GRIK3: variants seen among roughly 807,000 people sequenced by gnomAD.
The protein encoded by GRIK3 is glutamate ionotropic receptor kainate type subunit 3.
A neutral mutation model predicts 102.5 loss-of-function variants in GRIK3; 29 were observed. The observed-to-expected ratio is 0.28, with a 90% CI of 0.21 to 0.39. The LOEUF is 0.39. GRIK3 is among the 10% of genes least tolerant of loss of function. GRIK3 has a pLI of 1.00. For synonymous variants in GRIK3, 511 were observed against 504.9 expected, an observed-to-expected ratio of 1.01 and a Z score of -0.16; for missense variants, 908 against 1,252.4, an observed-to-expected ratio of 0.73 and a Z score of 4.15.
Position 36,797,609 on chromosome 1 carries a change from C to T in GRIK3, c.*4242G>A, listed in dbSNP as rs1008377515. The T allele has an allele frequency of 6.6e-6, 1 of 152,240 alleles. No homozygotes were observed. Among genetic ancestry groups the T allele is most frequent in the Non-Finnish European group, 1.5e-5 (1 of 68,060 alleles). The allele number at this position is 152,240 out of a possible 1,614,324, so 9.4% of individuals were successfully genotyped here. A position where few individuals can be genotyped will look rare whatever the true frequency, so the allele number is the denominator to read the frequency against. ...TCTGTCCATGAGGCTGGGCCCATCC[C>T]AGATGATAAGTCCATGCAGCTGTTT... On this transcript the variant is annotated 3_prime_UTR_variant, in exon 16 of 16. Transcript: ENST00000373091.
chr1:36,990,821 C>T (rs1394234352), intron 1 of GRIK3, among the ~76,000 whole-genome samples: 2 of 151,992 alleles, frequency 1.3e-5, no homozygotes, highest in South Asian at 2.1e-4. Context: ...GAGAGGGTGG[C>T]CCCTGGAGAT....
intron 10 of GRIK3, among the ~76,000 whole-genome samples, chr1:36,826,122 G>A (rs114071269): frequency 6.6e-6 from 1 of 152,296 alleles, no homozygotes. Context: ...TAACCCATGT[G>A]CTCCCTTCTC....
At chr1:36,986,849 C>T (rs1365824511) in intron 1 of GRIK3, among the ~76,000 whole-genome samples, 1 of 152,202 alleles carries the variant, frequency 6.6e-6, no homozygotes, top group Non-Finnish European at 1.5e-5. Flanking sequence ...ACAGTTTTAG[C>T]TCCACAATTA....
intron 1 of GRIK3, among the ~76,000 whole-genome samples, chr1:36,901,509 C>G (rs1641231895): frequency 6.6e-6 from 1 of 152,146 alleles, no homozygotes; most frequent in South Asian, 2.1e-4. Flanking sequence ...GATAAAAACT[C>G]TCAGTAAAGT....
At chr1:36,915,112 C>A (rs1403538675) in intron 1 of GRIK3, among the ~76,000 whole-genome samples, 2 of 152,228 alleles carry the variant, frequency 1.3e-5, no homozygotes, top group African/African-American at 4.8e-5. Context: ...CTTCACTCAA[C>A]AAACACTCAG....
At position 36,817,126 on chromosome 1, in the gene GRIK3, G is replaced by C; in HGVS notation, c.2025C>G (p.Asp675Glu). 1 of 1,614,154 alleles carries C rather than the reference G, an allele frequency of 6.2e-7. No individual in the cohort carries two copies. Among genetic ancestry groups the C allele is most frequent in the South Asian group, 1.1e-5 (1 of 91,072 alleles). The part of the protein sequence containing the change: ...RMESPIDSAD[D>E]LAKQTKIEYG... ...ACTCGATTTTGGTTTGCTTGGCCAG[G>C]TCATCAGCAGAGTCAATGGGTGATT... Residue 675 changes from aspartate (D) to glutamate (E), a missense_variant, in exon 13 of 16, where the codon GAC (aspartate) becomes GAG (glutamate). Physicochemically the swap from Asp to Glu is conservative, Grantham distance 45. Transcript: ENST00000373091.
intron 13 of GRIK3, among the ~76,000 whole-genome samples, chr1:36,807,928 C>G (rs529899898): frequency 6.6e-6 from 1 of 152,232 alleles, no homozygotes; most frequent in African/African-American, 2.4e-5. Flanking sequence ...CCTCTCCCAG[C>G]CCCTCCTAGT....
intron 1 of GRIK3, among the ~76,000 whole-genome samples, chr1:36,919,719 A>G (rs533598663): frequency 1.4e-4 from 22 of 152,302 alleles, no homozygotes; most frequent in African/African-American, 5.3e-4. Flanking sequence ...CAGTGGACAC[A>G]TGGTGATGGC....
intron 1 of GRIK3, among the ~76,000 whole-genome samples, chr1:36,996,281 C>T (rs915204579): frequency 2.6e-5 from 4 of 152,252 alleles, no homozygotes; most frequent in Admixed American, 6.5e-5. Flanking sequence ...TAGCTAATCA[C>T]GCCTAATCCA....
At chr1:36,958,133 GTGTGCCCCGTGACTC>G (rs1641946867) in intron 1 of GRIK3, among the ~76,000 whole-genome samples, 3 of 121,120 alleles carry the variant, frequency 2.5e-5, no homozygotes, top group Non-Finnish European at 3.7e-5. Flanking sequence ...CCATGAGTCT[GTGTGCCCCGTGACTC>G]TGTGCCCTGA....
At chr1:36,805,659 A>G (rs532857193) in intron 14 of GRIK3, among the ~76,000 whole-genome samples, 56 of 152,300 alleles carry the variant, frequency 3.7e-4, no homozygotes, top group African/African-American at 1.3e-3. Context: ...ACTTTTGTCC[A>G]GGTGCGGTGG....
At chr1:36,974,652 T>C (rs1178747446) in intron 1 of GRIK3, among the ~76,000 whole-genome samples, 2 of 151,448 alleles carry the variant, frequency 1.3e-5, no homozygotes, top group Non-Finnish European at 2.9e-5. Flanking sequence ...CAAAAAAAAT[T>C]AGCCGGGCGT....
rs774349493 is a variant in GRIK3 at position 36,801,828 on chromosome 1, T to C, written c.*23A>G. 5.7e-6 allele frequency: 9 copies of C among 1,570,290 alleles called. No homozygotes were observed. The highest frequency in any genetic ancestry group is 5.2e-6 in the Non-Finnish European group (6 of 1,156,318). ...CTTTCCTCTGCCCAGCCCCCAGGCC[T>C]GAGGTCCCCACCCCAGCTGTGCCTA... is the stretch of plus-strand genomic sequence containing the variant. On this transcript the variant is annotated 3_prime_UTR_variant, in exon 16 of 16. Coordinates refer to ENST00000373091, the MANE Select transcript of GRIK3 (RefSeq NM_000831.4).
intron 1 of GRIK3, among the ~76,000 whole-genome samples, chr1:36,900,120 AC>A (rs1332914868): frequency 6.6e-6 from 1 of 152,212 alleles, no homozygotes; most frequent in Non-Finnish European, 1.5e-5. Context: ...CTCACATGGA[AC>A]ATTCAGCAAT....
intron 9 of GRIK3, among the ~76,000 whole-genome samples, chr1:36,848,670 TA>T (rs1640545963): frequency 6.6e-6 from 1 of 152,144 alleles, no homozygotes; most frequent in African/African-American, 2.4e-5. Flanking sequence ...AACCCTCCTT[TA>T]TCTTTTCTAT....
At chr1:36,808,752 T>C (rs1019541452) in intron 13 of GRIK3, among the ~76,000 whole-genome samples, 2 of 152,172 alleles carry the variant, frequency 1.3e-5, no homozygotes, top group African/African-American at 4.8e-5. Context: ...AGATAGCAAA[T>C]ATTGTTTTAA....
At chr1:36,876,622 A>T (rs1289897943) in intron 3 of GRIK3, among the ~76,000 whole-genome samples, 1 of 152,222 alleles carries the variant, frequency 6.6e-6, no homozygotes, top group Non-Finnish European at 1.5e-5. Flanking sequence ...CAGCCAAAAC[A>T]TCCTGATGGA....
At chr1:36,891,149 G>A (rs1641110919) in intron 1 of GRIK3, 53 bp from the exon 2 acceptor site, 1 of 1,380,962 alleles carries the variant, frequency 7.2e-7, no homozygotes, top group Non-Finnish European at 1.0e-6. Flanking sequence ...TGGGGCTCTA[G>A]CAAGGATGCT....
At chr1:36,846,263 G>C (rs1447273155) in intron 9 of GRIK3, among the ~76,000 whole-genome samples, 2 of 152,200 alleles carry the variant, frequency 1.3e-5, no homozygotes, top group Non-Finnish European at 2.9e-5. Flanking sequence ...AATGGGGAAG[G>C]CTGCCAGTGG....
Sources: allele counts gnomAD v4.1 joint callset (sites outside exome capture counted in the v4.1 genomes callset), GRCh38; gene constraint gnomAD v4.1.1; transcripts MANE v1.5; gene names NCBI Gene and HGNC (gene_info 2026-07-23, HGNC 2026-07-21).